COL14A1: variants seen among roughly 807,000 people sequenced by gnomAD.
COL14A1 encodes the protein collagen type XIV alpha 1 chain, also known as collagen alpha-1(XIV) chain.
COL14A1 carries 136 observed loss-of-function variants against 230.3 expected under a neutral mutation model. The observed-to-expected ratio is 0.59, with a 90% confidence interval of 0.51 to 0.68. The LOEUF is 0.68. Among genes scored for constraint, COL14A1 ranks in the 30% least tolerant of loss-of-function variants. The probability of loss-of-function intolerance (pLI) is 0.00; values close to 1 mark genes in which losing one functional copy is unlikely to be tolerated. For synonymous variants in COL14A1, 792 were observed against 784.1 expected (o/e 1.01, Z -0.17); for missense variants, 1,976 against 2,215.8 (o/e 0.89, Z 2.17).
intron 45 of COL14A1, among the ~76,000 whole-genome samples, chr8:120,363,573 A>G (rs1005241618): frequency 6.6e-6 from 1 of 152,242 alleles, no homozygotes; most frequent in Non-Finnish European, 1.5e-5. Context: ...GTAGCCCAGA[A>G]CTTAAAAGTA....
rs911379741 is a variant in COL14A1 at position 120,225,586 on chromosome 8, G to C, written c.1864+372G>C. ...TTTCCAAAATTGCTGATCTCCAACA[G>C]TTTTGGCCCACAAAAATGACAGTCT... On this transcript the variant is annotated intron_variant, in intron 15 of 47. Transcript: ENST00000297848. Among the ~76,000 whole-genome samples, 10 of 152,012 alleles carry C rather than the reference G, an allele frequency of 6.6e-5. 1 individual carries two copies. The highest frequency in any genetic ancestry group is 2.9e-5 in the Non-Finnish European group (2 of 68,008).
intron 1 of COL14A1, among the ~76,000 whole-genome samples, chr8:120,138,694 C>T (rs1023830846): frequency 7.9e-5 from 12 of 152,240 alleles, no homozygotes; most frequent in East Asian, 3.9e-4. Context: ...AAGTAGATCT[C>T]GTTAGCTAAT....
chr8:120,200,351 G>A (rs1284193998), intron 8 of COL14A1, among the ~76,000 whole-genome samples: 1 of 151,764 alleles, frequency 6.6e-6, no homozygotes, highest in Non-Finnish European at 1.5e-5. Flanking sequence ...TCAATCTTTA[G>A]TCCAAATAAA....
At chr8:120,327,770 CTT>C (rs71306874) in intron 40 of COL14A1, among the ~76,000 whole-genome samples, 6 of 145,376 alleles carry the variant, frequency 4.1e-5, no homozygotes, top group African/African-American at 1.0e-4. Context: ...TAGTGCAATA[CTT>C]TTTTTTTTTT....
intron 19 of COL14A1, among the ~76,000 whole-genome samples, chr8:120,232,722 A>AT (rs1818315672): frequency 6.6e-6 from 1 of 152,244 alleles, no homozygotes; most frequent in African/African-American, 2.4e-5. Context: ...GTGCTGCAAT[A>AT]AACATGTGTG....
At chr8:120,154,269 T>C (rs777587439) in intron 2 of COL14A1, among the ~76,000 whole-genome samples, 1 of 152,168 alleles carries the variant, frequency 6.6e-6, no homozygotes, top group Non-Finnish European at 1.5e-5. Context: ...AACTCTTTAA[T>C]GAGTAGATTA....
At chr8:120,266,753 A>T in intron 24 of COL14A1, 74 bp from the exon 25 acceptor site, 1 of 1,191,784 alleles carries the variant, frequency 8.4e-7, no homozygotes, top group Non-Finnish European at 1.2e-6. Context: ...CTGAATATTT[A>T]TTACTCCATG....
chr8:120,361,268 A>C (rs1823203287), intron 45 of COL14A1, among the ~76,000 whole-genome samples: 1 of 152,224 alleles, frequency 6.6e-6, no homozygotes, highest in South Asian at 2.1e-4. Context: ...ATAAAGGCAC[A>C]GTAGATGGCC....
chr8:120,178,117 G>C (rs1467515847), intron 5 of COL14A1, among the ~76,000 whole-genome samples: 1 of 152,012 alleles, frequency 6.6e-6, no homozygotes, highest in Non-Finnish European at 1.5e-5. Flanking sequence ...TAAGTTCTGG[G>C]ATACATGTGC....
chr8:120,325,740 TC>T (rs1004586957), intron 40 of COL14A1, among the ~76,000 whole-genome samples: 6 of 152,102 alleles, frequency 3.9e-5, no homozygotes, highest in Non-Finnish European at 5.9e-5. Context: ...TGATCCACCC[TC>T]CTTGGCCTCC....
Position 120,346,656 on chromosome 8 carries a change from C to A in COL14A1, c.5077+1093C>A, listed in dbSNP as rs190209555. On this transcript the variant is annotated intron_variant, in intron 45 of 47. Coordinates refer to ENST00000297848, the MANE Select transcript of COL14A1 (RefSeq NM_021110.4). ...AAATGTCCTTTCCTTCCTTTGTCTT[C>A]CATACATCTTACTCTTAGTTCAAGG... Among the ~76,000 whole-genome samples the A allele has an allele frequency of 3.0e-3, 460 of 152,332 alleles. 5 individuals are homozygous for A. The highest frequency in any genetic ancestry group is 4.9e-3 in the Non-Finnish European group (335 of 68,032).
chr8:120,332,609 A>G (rs767266001), intron 41 of COL14A1, 55 bp from the exon 42 acceptor site: 6 of 1,475,278 alleles, frequency 4.1e-6, no homozygotes, highest in Admixed American at 1.7e-5. Flanking sequence ...GTTGGCTGTC[A>G]TTGATGAGAA....
At chr8:120,345,101 A>T (rs766953900) in intron 44 of COL14A1, among the ~76,000 whole-genome samples, 1 of 152,194 alleles carries the variant, frequency 6.6e-6, no homozygotes, top group Non-Finnish European at 1.5e-5. Flanking sequence ...GAAATTTACA[A>T]CTTCTGCTCA....
intron 45 of COL14A1, among the ~76,000 whole-genome samples, chr8:120,359,796 ACCT>A (rs1823126486): frequency 6.6e-6 from 1 of 152,034 alleles, no homozygotes; most frequent in Non-Finnish European, 1.5e-5. Flanking sequence ...CCTGCCACTC[ACCT>A]GCAGTTGTGA....
chr8:120,208,169 T>A, intron 10 of COL14A1, 63 bp from the exon 11 acceptor site: 4 of 1,479,604 alleles, frequency 2.7e-6, no homozygotes, highest in Non-Finnish European at 3.6e-6. Context: ...TTTTCGCTTT[T>A]TGATTTCAAT....
intron 5 of COL14A1, among the ~76,000 whole-genome samples, chr8:120,182,724 T>TC (rs1816499662): frequency 7.3e-6 from 1 of 137,276 alleles, no homozygotes; most frequent in South Asian, 2.3e-4. Flanking sequence ...TTATTTTTCT[T>TC]CGTTTTTTTT....
rs776763997 is a variant in COL14A1, at chr8:120,263,025, TGTG to T, written c.3016+12_3016+14del. 1.8e-4 allele frequency: 280 copies of T among 1,598,704 alleles called. No individual in the cohort carries two copies. Among genetic ancestry groups the T allele is most frequent in the Non-Finnish European group, 2.3e-4 (268 of 1,174,264 alleles). ...TAATGGAAAAAACACGTAAGTCATG[TGTG>T]TTCTCTCCTGATCCCTCTCCCCATG... is the stretch of plus-strand genomic sequence containing the variant. On this transcript the variant is annotated intron_variant, in intron 24 of 47. Transcript: ENST00000297848.
chr8:120,150,992 G>GT (rs1815261025), intron 2 of COL14A1, among the ~76,000 whole-genome samples: 1 of 150,930 alleles, frequency 6.6e-6, no homozygotes, highest in African/African-American at 2.4e-5. Flanking sequence ...GATTGAAAGA[G>GT]TAAAAAAAAA....
chr8:120,300,438 T>C (rs1586843927), intron 35 of COL14A1, among the ~76,000 whole-genome samples: 1 of 152,076 alleles, frequency 6.6e-6, no homozygotes, highest in African/African-American at 2.4e-5. Context: ...CAGAATTAAA[T>C]AGTAATCAAG....
Sources: gnomAD v4.1 joint callset for allele counts (sites outside exome capture counted in the v4.1 genomes callset) on GRCh38, gnomAD v4.1.1 for gene constraint, MANE v1.5 for transcripts, NCBI Gene and HGNC (gene_info 2026-07-23, HGNC 2026-07-21) for gene names.